The following PAX7 variants were observed in gnomAD, a reference collection of about 807,000 sequenced individuals.
PAX7 encodes the protein paired box 7.
Under a neutral mutation model 50.7 loss-of-function variants are expected in PAX7, and 18 were observed. The ratio of observed to expected loss-of-function variants is 0.36; its 90% CI spans 0.25 to 0.53. The LOEUF is 0.53. Ranked by LOEUF, PAX7 falls within the 20% of genes least tolerant of loss-of-function variation. The probability of loss-of-function intolerance (pLI) is 0.93; values close to 1 mark genes in which losing one functional copy is unlikely to be tolerated. For synonymous variants in PAX7, 310 were observed against 290.4 expected, an observed-to-expected ratio of 1.07 and a Z score of -0.69; for missense variants, 644 against 702.9, an observed-to-expected ratio of 0.92 and a Z score of 0.95.
Position 18,746,636 on chromosome 1 carries a change from C to G in PAX7, c.*1707C>G, listed in dbSNP as rs1931452559. On this transcript the variant is annotated 3_prime_UTR_variant, in exon 9 of 9. Coordinates refer to ENST00000420770, the MANE Select transcript of PAX7 (RefSeq NM_001135254.2). ...TCCCCATCTGGGTTCATGAGGCCAC[C>G]TCTTTGCTCAATCCATGCCTCTTGC... 1 of 230,942 alleles carries G rather than the reference C, an allele frequency of 4.3e-6. No homozygotes were observed. The highest frequency in any genetic ancestry group is 2.2e-5 in the African/African-American group (1 of 45,186). The allele number at this position is 230,942 out of a possible 1,614,324, so 14.3% of individuals were successfully genotyped here. A position where few individuals can be genotyped will look rare whatever the true frequency, so the allele number is the denominator to read the frequency against.
chr1:18,689,643 C>A (rs1369427126), intron 4 of PAX7, among the ~76,000 whole-genome samples: 2 of 152,184 alleles, frequency 1.3e-5, no homozygotes. Flanking sequence ...GGAAGTGGGC[C>A]CAGGGCAGAG....
chr1:18,634,973 A>C lies in PAX7; in HGVS notation c.322-138A>C, dbSNP rs1474217704. 1 of 1,097,778 alleles carries C rather than the reference A, an allele frequency of 9.1e-7. No individual in the cohort carries two copies. The highest frequency in any genetic ancestry group is 1.3e-6 in the Non-Finnish European group (1 of 785,560). The allele number at this position is 1,097,778 out of a possible 1,614,324, so 68.0% of individuals were successfully genotyped here. On this transcript the variant is annotated intron_variant, in intron 2 of 8. Coordinates refer to ENST00000420770, the MANE Select transcript of PAX7 (RefSeq NM_001135254.2). The surrounding 1 kb of genome is among the most constrained non-coding windows in gnomAD (Gnocchi z 4.0). ...ACCGGTTTCTTGAAAGGATAAAGCC[A>C]ATCTCTTGGGGGATGGGGGGACACA... is the stretch of plus-strand genomic sequence containing the variant.
At chr1:18,742,109 C>A (rs1346693917) in intron 8 of PAX7, among the ~76,000 whole-genome samples, 1 of 151,420 alleles carries the variant, frequency 6.6e-6, no homozygotes, top group African/African-American at 2.4e-5. Context: ...CCTGGCTTCT[C>A]CTCTTTCTAT....
intron 4 of PAX7, among the ~76,000 whole-genome samples, chr1:18,679,434 T>A (rs115497771): frequency 0.022 from 3,316 of 152,130 alleles, 140 homozygotes; most frequent in African/African-American, 0.075. Flanking sequence ...CGCGGATGGG[T>A]GGTCAGGCTG....
chr1:18,681,177 A>G (rs1357883913), intron 4 of PAX7, among the ~76,000 whole-genome samples: 5 of 133,488 alleles, frequency 3.7e-5, no homozygotes, highest in Non-Finnish European at 8.0e-5. Context: ...AAAAAAAAAA[A>G]AAAAAAAAAA....
In PAX7 at chr1:18,680,247, AG is replaced by A. The variant is rs138528581; in HGVS notation, c.587-11502del. 7.9e-3 allele frequency among the ~76,000 whole-genome samples: 1,201 copies of A among 152,220 alleles called. 20 individuals carry two copies. The highest frequency in any genetic ancestry group is 0.025 in the African/African-American group (1,022 of 41,518). On this transcript the variant is annotated intron_variant, in intron 4 of 8. Coordinates refer to ENST00000420770, the MANE Select transcript of PAX7 (RefSeq NM_001135254.2). Reference sequence around the variant, plus strand: ...AGGCAGGATGGCAGCTCTTATTCCCAGGGGGATGGATAAGCAAATAGAGATT... The same window carrying A: ...AGGCAGGATGGCAGCTCTTATTCCCAGGGGATGGATAAGCAAATAGAGATT...
At chr1:18,731,817 G>A (rs972679447) in intron 7 of PAX7, among the ~76,000 whole-genome samples, 41 of 152,094 alleles carry the variant, frequency 2.7e-4, no homozygotes, top group Non-Finnish European at 2.9e-5. Flanking sequence ...ATCCCATTAC[G>A]GGAAAAGCTC....
chr1:18,667,474 G>A (rs971682713), intron 4 of PAX7, among the ~76,000 whole-genome samples: 1 of 151,674 alleles, frequency 6.6e-6, no homozygotes, highest in African/African-American at 2.4e-5. Flanking sequence ...CACACACCCC[G>A]GAGCAGCAGC....
intron 7 of PAX7, among the ~76,000 whole-genome samples, chr1:18,724,183 C>T (rs868149256): frequency 1.1e-4 from 17 of 152,176 alleles, no homozygotes; most frequent in African/African-American, 2.9e-4. Context: ...GAATTTGGTC[C>T]GGGAGAGGGC....
intron 7 of PAX7, among the ~76,000 whole-genome samples, chr1:18,725,594 T>C (rs1479482522): frequency 1.3e-5 from 2 of 152,200 alleles, no homozygotes; most frequent in African/African-American, 4.8e-5. Flanking sequence ...TAAGGCCAGA[T>C]ACATTAATTA....
chr1:18,722,490 G>A (rs952628557), intron 7 of PAX7, among the ~76,000 whole-genome samples: 2 of 152,150 alleles, frequency 1.3e-5, no homozygotes, highest in African/African-American at 4.8e-5. Context: ...TATCAAATGG[G>A]GATTCACAGG....
At chr1:18,703,365 G>A in intron 7 of PAX7, 69 bp downstream of exon 7, 1 of 1,406,756 alleles carries the variant, frequency 7.1e-7, no homozygotes, top group South Asian at 1.2e-5. Context: ...GACAGCACGT[G>A]GGTGGAAGCC....
intron 4 of PAX7, among the ~76,000 whole-genome samples, chr1:18,670,920 G>A (rs1402456836): frequency 1.3e-5 from 2 of 152,190 alleles, no homozygotes; most frequent in Admixed American, 6.5e-5. Flanking sequence ...AACCTGATGG[G>A]ACCAATAAAG....
chr1:18,688,388 A>G (rs1330175408), intron 4 of PAX7, among the ~76,000 whole-genome samples: 1 of 152,236 alleles, frequency 6.6e-6, no homozygotes, highest in Non-Finnish European at 1.5e-5. Context: ...TGCTGGCCTC[A>G]GTGGTGGCCA....
Position 18,700,684 on chromosome 1 carries a change from G to A in PAX7, c.818G>A (p.Arg273His), listed in dbSNP as rs915768373. 6.9e-6 allele frequency: 11 copies of A among 1,589,994 alleles called. No individual in the cohort carries two copies. Among genetic ancestry groups the A allele is most frequent in the South Asian group, 2.3e-5 (2 of 88,062 alleles). The change falls in exon 6 of 9, where the codon CGT (arginine) becomes CAT (histidine). Residue 273 changes from arginine to histidine, a missense_variant. Physicochemically the swap from Arg to His is conservative, Grantham distance 29. Transcript: ENST00000420770. This position sits in a 1 kb window ranked among gnomAD's most constrained non-coding sequence, Gnocchi z 4.8. The part of the protein sequence containing the change: ...VWFSNRRARW[R>H]KQAGANQLAA... Reference sequence around the variant, plus strand: ...TTCAGTAACCGCCGCGCCCGTTGGCGTAAGCAGGCAGGAGCCAACCAGCTG... The same window carrying A: ...TTCAGTAACCGCCGCGCCCGTTGGCATAAGCAGGCAGGAGCCAACCAGCTG...
intron 4 of PAX7, among the ~76,000 whole-genome samples, chr1:18,637,256 A>G (rs1191962447): frequency 1.3e-5 from 2 of 152,078 alleles, no homozygotes. Flanking sequence ...GTTTTTCCTC[A>G]TTACCCCCTC....
Position 18,700,621 on chromosome 1 carries a change from G to T in PAX7, c.787-32G>T. On this transcript the variant is annotated intron_variant, in intron 5 of 8. Transcript: ENST00000420770. The surrounding 1 kb of genome is among the most constrained non-coding windows in gnomAD (Gnocchi z 4.8). Reference sequence around the variant, plus strand: ...AGCTCTCTGCCAGGAACCTGGCCGAGGGGTCTCCATTCTCTGCTCTCCACC... The same window carrying T: ...AGCTCTCTGCCAGGAACCTGGCCGATGGGTCTCCATTCTCTGCTCTCCACC... 6.7e-7 allele frequency: 1 copy of T among 1,488,150 alleles called. No individual in the cohort carries two copies. The highest frequency in any genetic ancestry group is 9.0e-7 in the Non-Finnish European group (1 of 1,117,246). The allele number at this position is 1,488,150 out of a possible 1,614,324, so 92.2% of individuals were successfully genotyped here.
intron 7 of PAX7, among the ~76,000 whole-genome samples, chr1:18,715,985 G>A (rs922195211): frequency 2.0e-5 from 3 of 150,502 alleles, no homozygotes; most frequent in Non-Finnish European, 3.0e-5. Flanking sequence ...TGTTCCCCCC[G>A]CTCCTTCTTG....
At chr1:18,685,760 C>T (rs1307887577) in intron 4 of PAX7, among the ~76,000 whole-genome samples, 1 of 152,230 alleles carries the variant, frequency 6.6e-6, no homozygotes, top group East Asian at 1.9e-4. Flanking sequence ...TGAGGCCTTG[C>T]TGGCGTGGCT....
Sources: gnomAD v4.1 joint callset for allele counts (sites outside exome capture counted in the v4.1 genomes callset) on GRCh38, gnomAD v4.1.1 for gene constraint, Gnocchi (gnomAD v3.1) non-coding constraint, MANE v1.5 for transcripts, NCBI Gene and HGNC (gene_info 2026-07-23, HGNC 2026-07-21) for gene names.